The following MIR2052HG variants were observed in gnomAD, a reference collection of about 807,000 sequenced individuals.
MIR2052HG encodes MIR2052 host gene.
intron 1 of MIR2052HG, among the ~76,000 whole-genome samples, chr8:74,606,161 C>G (rs1035053593): frequency 6.6e-6 from 1 of 152,138 alleles, no homozygotes; most frequent in Non-Finnish European, 1.5e-5. Flanking sequence ...GTGATAGACG[C>G]GGGGCTTTGG....
intron 4 of MIR2052HG, among the ~76,000 whole-genome samples, chr8:74,709,134 C>T (rs1025328386): frequency 6.6e-6 from 1 of 152,030 alleles, no homozygotes; most frequent in Admixed American, 6.6e-5. Context: ...GCTAATTAGA[C>T]AAGGGAAAAG....
chr8:74,677,555 A>G (rs1809068341), intron 2 of MIR2052HG, among the ~76,000 whole-genome samples: 1 of 152,100 alleles, frequency 6.6e-6, no homozygotes, highest in Non-Finnish European at 1.5e-5. Context: ...TTAACATATC[A>G]AAAACTGAAA....
At chr8:74,632,710 G>A (rs1029342232) in intron 2 of MIR2052HG, among the ~76,000 whole-genome samples, 3 of 152,124 alleles carry the variant, frequency 2.0e-5, no homozygotes, top group Non-Finnish European at 2.9e-5. Flanking sequence ...TATTTAGGTT[G>A]CCAGTGCTAG....
chr8:74,601,615 A>C (rs1009057715), intron 1 of MIR2052HG, among the ~76,000 whole-genome samples: 2 of 152,216 alleles, frequency 1.3e-5, no homozygotes, highest in Non-Finnish European at 1.5e-5. Context: ...ACAAATAGTT[A>C]ATTCCTAATA....
chr8:74,678,901 T>C (rs1427206503), intron 2 of MIR2052HG, among the ~76,000 whole-genome samples: 1 of 152,074 alleles, frequency 6.6e-6, no homozygotes, highest in African/African-American at 2.4e-5. Context: ...AACATGTGCT[T>C]TAAAACAATA....
intron 2 of MIR2052HG, among the ~76,000 whole-genome samples, chr8:74,638,822 A>G (rs1207636138): frequency 6.6e-6 from 1 of 152,204 alleles, no homozygotes; most frequent in South Asian, 2.1e-4. Flanking sequence ...TGGGGAATTT[A>G]TTAATCTGGG....
intron 4 of MIR2052HG, among the ~76,000 whole-genome samples, chr8:74,747,886 T>C (rs996976993): frequency 6.6e-6 from 1 of 152,196 alleles, no homozygotes; most frequent in African/African-American, 2.4e-5. Context: ...TCATTCCCCC[T>C]AGAAAATTTT....
intron 4 of MIR2052HG, among the ~76,000 whole-genome samples, chr8:74,720,639 G>A (rs1466556393): frequency 6.6e-6 from 1 of 152,108 alleles, no homozygotes; most frequent in African/African-American, 2.4e-5. Flanking sequence ...GGAACAAAAT[G>A]TATATGTTAT....
intron 2 of MIR2052HG, among the ~76,000 whole-genome samples, chr8:74,683,505 G>A (rs1461650238): frequency 6.6e-6 from 1 of 152,030 alleles, no homozygotes. Context: ...AGATGACTAG[G>A]TTCTTAATCT....
intron 4 of MIR2052HG, among the ~76,000 whole-genome samples, chr8:74,721,221 T>A (rs1464637181): frequency 6.6e-6 from 1 of 152,146 alleles, no homozygotes; most frequent in African/African-American, 2.4e-5. Context: ...AAGGGAAAGG[T>A]AGCCCCAGAA....
intron 2 of MIR2052HG, among the ~76,000 whole-genome samples, chr8:74,684,429 G>A (rs269184): frequency 8.6e-5 from 13 of 151,974 alleles, no homozygotes; most frequent in African/African-American, 3.1e-4. Context: ...TATAGCAAAT[G>A]TCAACATTTA....
At chr8:74,725,395 C>G (rs1239598471) in intron 4 of MIR2052HG, among the ~76,000 whole-genome samples, 1 of 152,200 alleles carries the variant, frequency 6.6e-6, no homozygotes, top group African/African-American at 2.4e-5. Context: ...TCTCACAGAA[C>G]TGGTATTGGG....
At chr8:74,649,772 A>T (rs1238006175) in intron 2 of MIR2052HG, among the ~76,000 whole-genome samples, 2 of 152,128 alleles carry the variant, frequency 1.3e-5, no homozygotes, top group Non-Finnish European at 2.9e-5. Flanking sequence ...GCATGTTTGA[A>T]CATCATGGAA....
chr8:74,747,934 A>G (rs1272144481), intron 4 of MIR2052HG, among the ~76,000 whole-genome samples: 2 of 152,198 alleles, frequency 1.3e-5, no homozygotes, highest in South Asian at 2.1e-4. Flanking sequence ...ACCACTTGAG[A>G]TGATCCAAAG....
chr8:74,673,648 G>T (rs892348741), intron 2 of MIR2052HG, among the ~76,000 whole-genome samples: 1 of 151,700 alleles, frequency 6.6e-6, no homozygotes, highest in Non-Finnish European at 1.5e-5. Flanking sequence ...TCCTGGTCTT[G>T]GGCTAGAAAA....
At chr8:74,752,877 G>T (rs1187273008) in intron 5 of MIR2052HG, among the ~76,000 whole-genome samples, 1 of 152,146 alleles carries the variant, frequency 6.6e-6, no homozygotes, top group African/African-American at 2.4e-5. Flanking sequence ...AATTTTATCT[G>T]GCTTTAAAGA....
chr8:74,638,768 G>A (rs988062813), intron 2 of MIR2052HG, among the ~76,000 whole-genome samples: 21 of 152,170 alleles, frequency 1.4e-4, no homozygotes, highest in Non-Finnish European at 3.1e-4. Flanking sequence ...AAGATGTAGA[G>A]TGGGAGTGAG....
chr8:74,720,041 G>A (rs1163823720), intron 4 of MIR2052HG, among the ~76,000 whole-genome samples: 19 of 151,664 alleles, frequency 1.3e-4, no homozygotes, highest in Non-Finnish European at 2.2e-4. Context: ...TAATAGAGAC[G>A]GGGTTTCACC....
chr8:74,623,020 C>T (rs1364137055), intron 2 of MIR2052HG, among the ~76,000 whole-genome samples: 1 of 151,970 alleles, frequency 6.6e-6, no homozygotes, highest in Non-Finnish European at 1.5e-5. Flanking sequence ...AGATGTTGGT[C>T]AAAGAACACA....
Sources: gnomAD v4.1 joint callset for allele counts (sites outside exome capture counted in the v4.1 genomes callset) on GRCh38, gnomAD v4.1.1 for gene constraint, MANE v1.5 for transcripts, NCBI Gene and HGNC (gene_info 2026-07-23, HGNC 2026-07-21) for gene names.